GRIP1: variants seen among roughly 807,000 people sequenced by gnomAD.
GRIP1 encodes the protein glutamate receptor interacting protein 1.
A neutral mutation model predicts 129.9 loss-of-function variants in GRIP1; 45 were observed. That is an observed-to-expected ratio of 0.35 (90% CI 0.27 to 0.44). The LOEUF (loss-of-function observed/expected upper bound fraction) is 0.44. Ranked by LOEUF, GRIP1 falls within the 20% of genes least tolerant of loss-of-function variation. The pLI is 1.00. For synonymous variants in GRIP1, 530 were observed against 520.8 expected, an observed-to-expected ratio of 1.02 and a Z score of -0.24; for missense variants, 1,196 against 1,396.8, an observed-to-expected ratio of 0.86 and a Z score of 2.29.
intron 7 of GRIP1, among the ~76,000 whole-genome samples, chr12:66,470,251 C>G (rs1362661879): frequency 1.3e-5 from 2 of 152,196 alleles, no homozygotes; most frequent in Non-Finnish European, 2.9e-5. Flanking sequence ...CAAGGACCTG[C>G]ATGATCTGGC....
chr12:66,589,157 G>T (rs1309635956), intron 2 of GRIP1, among the ~76,000 whole-genome samples: 1 of 150,020 alleles, frequency 6.7e-6, no homozygotes, highest in African/African-American at 2.5e-5. Context: ...GAAATACATG[G>T]TAACTAGTAC....
intron 2 of GRIP1, among the ~76,000 whole-genome samples, chr12:66,576,955 T>C (rs1171476459): frequency 1.3e-5 from 2 of 152,196 alleles, no homozygotes; most frequent in East Asian, 3.9e-4. Context: ...ATAATCTGCG[T>C]TGAGTATTAC....
At chr12:66,394,109 A>G (rs2056699312) in intron 17 of GRIP1, 99 bp downstream of exon 17, 1 of 1,196,332 alleles carries the variant, frequency 8.4e-7, no homozygotes, top group African/African-American at 1.5e-5. Flanking sequence ...TTTAAAAGCC[A>G]ACAGATAACC....
intron 15 of GRIP1, among the ~76,000 whole-genome samples, chr12:66,412,249 A>C (rs764515026): frequency 6.6e-6 from 1 of 152,252 alleles, no homozygotes; most frequent in Non-Finnish European, 1.5e-5. Context: ...CAGGACGCCT[A>C]CAAAGGGAAG....
intron 5 of GRIP1, among the ~76,000 whole-genome samples, chr12:66,523,462 T>C (rs999078394): frequency 2.6e-5 from 4 of 151,018 alleles, no homozygotes; most frequent in African/African-American, 7.4e-5. Context: ...TAAAATACTT[T>C]ACAGACAAGC....
intron 1 of GRIP1, among the ~76,000 whole-genome samples, chr12:66,609,098 CTAAAACTGAATCTCTG>C (rs1211384097): frequency 2.6e-5 from 4 of 151,944 alleles, no homozygotes; most frequent in Non-Finnish European, 4.4e-5. Flanking sequence ...TTCACAGATA[CTAAAACTGAATCTCTG>C]TAAAACTGAA....
intron 7 of GRIP1, among the ~76,000 whole-genome samples, chr12:66,497,934 G>A (rs920008414): frequency 4.6e-5 from 7 of 152,040 alleles, no homozygotes; most frequent in African/African-American, 1.4e-4. Flanking sequence ...GTAAATGGCC[G>A]GTCCTTGCCT....
At chr12:66,398,701 G>T (rs1410373060) in intron 16 of GRIP1, among the ~76,000 whole-genome samples, 1 of 151,966 alleles carries the variant, frequency 6.6e-6, no homozygotes, top group Non-Finnish European at 1.5e-5. Flanking sequence ...TCTCCTTAAT[G>T]AGAGAAGTTA....
At chr12:66,815,850 T>TCTCTC (rs1555241792) in intron 1 of GRIP1, among the ~76,000 whole-genome samples, 679 of 65,314 alleles carry the variant, frequency 0.01, 2 homozygotes, top group Non-Finnish European at 0.016. Context: ...CTTTCTTTCT[T>TCTCTC]TCTTTCTCTC....
intron 1 of GRIP1, among the ~76,000 whole-genome samples, chr12:66,906,188 G>A (rs2040929171): frequency 6.6e-6 from 1 of 151,908 alleles, no homozygotes; most frequent in Non-Finnish European, 1.5e-5. Flanking sequence ...GAGGTGGGAG[G>A]ATCACATGAG....
intron 11 of GRIP1, among the ~76,000 whole-genome samples, chr12:66,451,794 CG>C (rs534916234): frequency 3.3e-5 from 5 of 152,242 alleles, no homozygotes; most frequent in Non-Finnish European, 7.4e-5. Flanking sequence ...GGTTCAGGAA[CG>C]CAGTAGAGGT....
intron 2 of GRIP1, among the ~76,000 whole-genome samples, chr12:66,548,992 A>G (rs1252629780): frequency 6.6e-6 from 1 of 152,188 alleles, no homozygotes; most frequent in African/African-American, 2.4e-5. Context: ...AAAACAGGCG[A>G]AGCTCTTTAC....
rs367764469 is a variant in GRIP1 at position 66,815,720 on chromosome 12, TG to T, written c.59-218794del. ...TAGAGGCTGCAATAAGCCAAGATCA[TG>T]CTGCTGCACTCCAGCCTGGGCAACA... is the stretch of plus-strand genomic sequence containing the variant. On this transcript the variant is annotated intron_variant, in intron 1 of 1. Coordinates refer to the GRIP1 transcript ENST00000643019. 9.9e-4 allele frequency among the ~76,000 whole-genome samples: 151 copies of T among 152,012 alleles called. 1 individual carries two copies. Among genetic ancestry groups the T allele is most frequent in the Admixed American group, 3.7e-3 (56 of 15,266 alleles).
At chr12:66,351,640 A>G (rs2054230577) in intron 24 of GRIP1, among the ~76,000 whole-genome samples, 1 of 150,268 alleles carries the variant, frequency 6.7e-6, no homozygotes, top group South Asian at 2.1e-4. Context: ...CAACCTCTGA[A>G]CAGGCAGTTT....
Position 66,595,375 on chromosome 12 carries a change from G to A in GRIP1, c.136+1472C>T, listed in dbSNP as rs184018293. On this transcript the variant is annotated intron_variant, in intron 2 of 24. Coordinates refer to ENST00000359742, the MANE Select transcript of GRIP1 (RefSeq NM_001366722.1). ...CTTCAAATGTGTTGTCATTTAGAAT[G>A]TGGCATTAGAGAACCCATGAAAAGA... is the stretch of plus-strand genomic sequence containing the variant. Among the ~76,000 whole-genome samples the A allele has an allele frequency of 4.5e-4, 68 of 152,286 alleles. 1 individual carries two copies. The highest frequency in any genetic ancestry group is 1.4e-3 in the African/African-American group (57 of 41,560).
At chr12:66,776,042 A>G (rs988753492) in intron 1 of GRIP1, among the ~76,000 whole-genome samples, 1 of 152,216 alleles carries the variant, frequency 6.6e-6, no homozygotes, top group Non-Finnish European at 1.5e-5. Context: ...CTGACCCAGC[A>G]CACAATCCTC....
chr12:66,576,132 T>C (rs1191039103), intron 2 of GRIP1, among the ~76,000 whole-genome samples: 1 of 152,198 alleles, frequency 6.6e-6, no homozygotes, highest in Non-Finnish European at 1.5e-5. Context: ...AAAGGATTAT[T>C]ATACCACTGA....
At chr12:66,936,943 C>T (rs2041495909) in intron 1 of GRIP1, among the ~76,000 whole-genome samples, 1 of 152,192 alleles carries the variant, frequency 6.6e-6, no homozygotes, top group Admixed American at 6.5e-5. Flanking sequence ...TCAATTTTCT[C>T]ATCAGTGAGT....
intron 15 of GRIP1, among the ~76,000 whole-genome samples, chr12:66,414,670 G>A (rs2057522264): frequency 6.6e-6 from 1 of 151,976 alleles, no homozygotes; most frequent in Non-Finnish European, 1.5e-5. Context: ...AAAGCTGGAG[G>A]TATCATGCTA....
Sources: gnomAD v4.1 joint callset for allele counts (sites outside exome capture counted in the v4.1 genomes callset) on GRCh38, gnomAD v4.1.1 for gene constraint, MANE v1.5 for transcripts, NCBI Gene and HGNC (gene_info 2026-07-23, HGNC 2026-07-21) for gene names.